Variants in ANO2 observed in about 807,000 individuals in gnomAD.
The protein encoded by ANO2 is anoctamin 2, also known as anoctamin-2.
ANO2 carries 101 observed loss-of-function variants against 124.2 expected under a neutral mutation model. That is an observed-to-expected ratio of 0.81 (90% CI 0.69 to 0.96). The LOEUF is 0.96. ANO2 is among the 40% of genes least tolerant of loss of function. The pLI is 0.00. For missense variants in ANO2, 1,293 were observed against 1,274.5 expected (o/e 1.01, Z -0.22); for synonymous variants, 486 against 482.5 (o/e 1.01, Z -0.09).
chr12:5,866,067 T>A (rs1370473369), intron 3 of ANO2, among the ~76,000 whole-genome samples: 1 of 152,240 alleles, frequency 6.6e-6, no homozygotes, highest in African/African-American at 2.4e-5. Context: ...TCCAAGCCTA[T>A]GCCCAATTAG....
chr12:5,700,346 T>C (rs1287008177), intron 14 of ANO2, among the ~76,000 whole-genome samples: 5 of 152,070 alleles, frequency 3.3e-5, no homozygotes, highest in Non-Finnish European at 1.5e-5. Context: ...GACTACTGGG[T>C]ACAAAACGAA....
At chr12:5,611,978 T>C (rs1944567237) in intron 19 of ANO2, among the ~76,000 whole-genome samples, 1 of 152,218 alleles carries the variant, frequency 6.6e-6, no homozygotes, top group Non-Finnish European at 1.5e-5. Flanking sequence ...CTGAAACAGA[T>C]TCTTCTTCAA....
chr12:5,605,918 G>A (rs942972467), intron 19 of ANO2, among the ~76,000 whole-genome samples: 1 of 152,158 alleles, frequency 6.6e-6, no homozygotes, highest in African/African-American at 2.4e-5. Flanking sequence ...ATCCTCTCTG[G>A]GAAGCATCGG....
At chr12:5,628,185 G>A (rs993856328) in intron 16 of ANO2, among the ~76,000 whole-genome samples, 26 of 152,274 alleles carry the variant, frequency 1.7e-4, no homozygotes, top group African/African-American at 6.0e-4. Flanking sequence ...AAAGCTCGCA[G>A]GACCCCAAAG....
chr12:5,809,525 A>G (rs1023425766), intron 7 of ANO2, among the ~76,000 whole-genome samples: 1 of 152,128 alleles, frequency 6.6e-6, no homozygotes, highest in African/African-American at 2.4e-5. Flanking sequence ...TCACCGACTT[A>G]GCTCATCTGC....
intron 10 of ANO2, among the ~76,000 whole-genome samples, chr12:5,786,342 C>G (rs1952539084): frequency 6.6e-6 from 1 of 152,174 alleles, no homozygotes; most frequent in African/African-American, 2.4e-5. Context: ...TCATGCACCA[C>G]CTCTGACCCC....
chr12:5,672,580 CGTGT>C (rs747792294), intron 14 of ANO2, among the ~76,000 whole-genome samples: 1 of 147,852 alleles, frequency 6.8e-6, no homozygotes, highest in Non-Finnish European at 1.5e-5. Context: ...GCAGTCAGCT[CGTGT>C]GTGTGTGTGT....
intron 7 of ANO2, among the ~76,000 whole-genome samples, chr12:5,812,337 G>GC (rs1953421341): frequency 7.2e-6 from 1 of 139,002 alleles, no homozygotes; most frequent in Non-Finnish European, 1.6e-5. Context: ...GGGAGGGAAG[G>GC]AGGGAGGAAG....
chr12:5,853,781 C>T (rs1954996496), intron 4 of ANO2, among the ~76,000 whole-genome samples: 1 of 152,020 alleles, frequency 6.6e-6, no homozygotes, highest in Admixed American at 6.5e-5. Context: ...ATGAAGAACA[C>T]GGACAGGGAC....
Position 5,862,714 on chromosome 12 carries a change from GT to G in ANO2, c.535-8574del, listed in dbSNP as rs1162522645. 6.6e-6 allele frequency among the ~76,000 whole-genome samples: 1 copy of G among 152,170 alleles called. No homozygotes were observed. The highest frequency in any genetic ancestry group is 1.5e-5 in the Non-Finnish European group (1 of 68,032). Reference sequence around the variant, plus strand: ...GGGAGGTAACTGAATCATGGGGGCGGTTTCCCCCATACTGTTCTCGTGGTAG... The same window carrying G: ...GGGAGGTAACTGAATCATGGGGGCGGTTCCCCCATACTGTTCTCGTGGTAG... On this transcript the variant is annotated intron_variant, in intron 3 of 24. Transcript: ENST00000682330. This position sits in a 1 kb window ranked among gnomAD's most constrained non-coding sequence, Gnocchi z 4.0.
intron 3 of ANO2, among the ~76,000 whole-genome samples, chr12:5,903,333 C>G (rs76733498): frequency 0.012 from 1,780 of 152,308 alleles, 42 homozygotes; most frequent in African/African-American, 0.041. Flanking sequence ...ATGCCAGGCA[C>G]TGCACTGGGC....
chr12:5,770,912 A>T (rs1952058467), intron 10 of ANO2, among the ~76,000 whole-genome samples: 1 of 151,372 alleles, frequency 6.6e-6, no homozygotes, highest in African/African-American at 2.4e-5. Context: ...TCTCATGCTC[A>T]CTCCCCTACC....
At chr12:5,729,418 A>T (rs1950551171) in intron 14 of ANO2, among the ~76,000 whole-genome samples, 1 of 152,226 alleles carries the variant, frequency 6.6e-6, no homozygotes, top group Non-Finnish European at 1.5e-5. Context: ...TGAAGTTCAC[A>T]TCATTAATCA....
At chr12:5,932,975 A>G (rs1217937009) in intron 1 of ANO2, among the ~76,000 whole-genome samples, 37 of 152,196 alleles carry the variant, frequency 2.4e-4, no homozygotes, top group Admixed American at 2.4e-3. Flanking sequence ...TGTATGATCC[A>G]TTGCAATGGG....
At chr12:5,912,091 A>G (rs1941085188) in intron 3 of ANO2, among the ~76,000 whole-genome samples, 1 of 152,224 alleles carries the variant, frequency 6.6e-6, no homozygotes, top group Non-Finnish European at 1.5e-5. Flanking sequence ...GGAATCCTAG[A>G]GATCTCCAGA....
chr12:5,646,431 T>C (rs1229290437), intron 15 of ANO2, among the ~76,000 whole-genome samples: 1 of 152,186 alleles, frequency 6.6e-6, no homozygotes, highest in African/African-American at 2.4e-5. Context: ...GAAGTTTATT[T>C]TTACCTATTT....
intron 3 of ANO2, among the ~76,000 whole-genome samples, chr12:5,881,011 A>C (rs1938466284): frequency 6.6e-6 from 1 of 152,098 alleles, no homozygotes; most frequent in Non-Finnish European, 1.5e-5. Flanking sequence ...CTCATGATGG[A>C]CTGGATTTAT....
At chr12:5,647,680 A>G in intron 15 of ANO2, 47 bp downstream of exon 15, 2 of 1,374,616 alleles carry the variant, frequency 1.5e-6, no homozygotes, top group Non-Finnish European at 2.1e-6. Context: ...ACATAACAGC[A>G]TCTACATGCA....
At chr12:5,623,885 G>A (rs1001621692) in intron 16 of ANO2, among the ~76,000 whole-genome samples, 12 of 152,196 alleles carry the variant, frequency 7.9e-5, no homozygotes, top group Non-Finnish European at 1.6e-4. Context: ...ATGGGGGGTG[G>A]GTGGAGGGAC....
Sources: gnomAD v4.1 joint callset for allele counts (sites outside exome capture counted in the v4.1 genomes callset) on GRCh38, gnomAD v4.1.1 for gene constraint, Gnocchi (gnomAD v3.1) non-coding constraint, MANE v1.5 for transcripts, NCBI Gene and HGNC (gene_info 2026-07-23, HGNC 2026-07-21) for gene names.